C14orf39: variants seen among roughly 807,000 people sequenced by gnomAD.
C14orf39 encodes the protein chromosome 14 open reading frame 39, also known as protein SIX6OS1.
Under a neutral mutation model 85.6 loss-of-function variants are expected in C14orf39, and 66 were observed. The observed-to-expected ratio is 0.77, with a 90% confidence interval of 0.63 to 0.95. C14orf39 has a LOEUF of 0.95. Among genes scored for constraint, C14orf39 ranks in the 40% least tolerant of loss-of-function variants. The pLI, the probability that C14orf39 is intolerant of heterozygous loss-of-function variation, is 0.00. For synonymous variants in C14orf39, 242 were observed against 214.0 expected (o/e 1.13, Z -1.14); for missense variants, 735 against 663.9 (o/e 1.11, Z -1.18).
chr14:60,506,986 G>A (rs1012554083), intron 1 of C14orf39, among the ~76,000 whole-genome samples: 1 of 152,168 alleles, frequency 6.6e-6, no homozygotes, highest in Non-Finnish European at 1.5e-5. Context: ...AAACTGTCCA[G>A]TAAAAGGGCG....
intron 1 of C14orf39, among the ~76,000 whole-genome samples, chr14:60,504,484 G>T (rs1277825863): frequency 6.6e-6 from 1 of 152,184 alleles, no homozygotes; most frequent in African/African-American, 2.4e-5. Context: ...TTCGATCTTA[G>T]ATTTGAAAAT....
rs891252474 is a variant in C14orf39, at chr14:60,491,610, C to T, written c.-8-6524G>A. On this transcript the variant is annotated intron_variant, in intron 2 of 5. Coordinates refer to the C14orf39 transcript ENST00000556799. The surrounding 1 kb of genome is among the most constrained non-coding windows in gnomAD (Gnocchi z 4.5). ...CTATCATCCCCCACATCAAATCCATCATAAATCCTACCAATTTTTCCTCTT... is the reference window on the plus strand; with the variant it reads ...CTATCATCCCCCACATCAAATCCATTATAAATCCTACCAATTTTTCCTCTT... 1.3e-5 allele frequency among the ~76,000 whole-genome samples: 2 copies of T among 152,194 alleles called. No individual in the cohort carries two copies. Among genetic ancestry groups the T allele is most frequent in the African/African-American group, 4.8e-5 (2 of 41,460 alleles).
chr14:60,511,971 T>C, intron 1 of C14orf39: 1 of 153,728 alleles, frequency 6.5e-6, no homozygotes, highest in Non-Finnish European at 1.4e-5. Context: ...CTATGGTAGG[T>C]CTATAACCAC....
chr14:60,496,103 C>G, intron 2 of C14orf39: 1 of 635,488 alleles, frequency 1.6e-6, no homozygotes. Context: ...TCTGACTGAG[C>G]AAAGCCACAG....
chr14:60,443,958 G>C (rs1333502059), intron 16 of C14orf39, among the ~76,000 whole-genome samples: 1 of 152,212 alleles, frequency 6.6e-6, no homozygotes, highest in East Asian at 1.9e-4. Context: ...TGAGGGGCCT[G>C]ACTGTTAGAA....
In C14orf39 at chr14:60,445,658, CAG is replaced by C. The variant is rs200189953; in HGVS notation, c.1504-3529_1504-3528del. 9.0e-3 allele frequency among the ~76,000 whole-genome samples: 1,374 copies of C among 152,218 alleles called. 8 individuals are homozygous for C. The highest frequency in any genetic ancestry group is 0.014 in the Admixed American group (207 of 15,286). On this transcript the variant is annotated intron_variant, in intron 16 of 17. Coordinates refer to ENST00000321731, the MANE Select transcript of C14orf39 (RefSeq NM_174978.3). ...GTCAATATTAGACAGATCAACAAGA[CAG>C]AAAGTTAACAAGGATATCCAGGACT...
At position 60,471,463 on chromosome 14, in the gene C14orf39, A is replaced by C. The variant is rs1279067299; in HGVS notation, c.512-4T>G. 6.3e-7 allele frequency: 1 copy of C among 1,599,942 alleles called. No homozygotes were observed. Among genetic ancestry groups the C allele is most frequent in the Admixed American group, 1.7e-5 (1 of 58,530 alleles). ...AGTGATGGAAAGGGAGCAGGCACTG[A>C]AAAATAAAGTCACAGCATAAGCTGA... On this transcript the variant is annotated splice_polypyrimidine_tract_variant and splice_region_variant and intron_variant, in intron 6 of 17. Coordinates refer to ENST00000321731, the MANE Select transcript of C14orf39 (RefSeq NM_174978.3).
chr14:60,453,496 T>C (rs1312122552), intron 16 of C14orf39, among the ~76,000 whole-genome samples: 2 of 151,736 alleles, frequency 1.3e-5, no homozygotes, highest in Non-Finnish European at 3.0e-5. Flanking sequence ...TTTTTTTTTT[T>C]CCATTCTTAC....
rs575048457 is a variant in C14orf39, at chr14:60,484,202, C to G, written c.107-385G>C. 7.9e-5 allele frequency among the ~76,000 whole-genome samples: 12 copies of G among 152,240 alleles called. No individual in the cohort carries two copies. Among genetic ancestry groups the G allele is most frequent in the African/African-American group, 2.9e-4 (12 of 41,532 alleles). ...TCTGTTTTTGACAAATGTGAAATTT[C>G]TATTCATCAATTCTATGTCAATTAT... On this transcript the variant is annotated intron_variant, in intron 3 of 17. Transcript: ENST00000321731. The surrounding 1 kb of genome is among the most constrained non-coding windows in gnomAD (Gnocchi z 4.2).
rs1267891098 is a variant in C14orf39 at position 60,466,990 on chromosome 14, TTGAC to T, written c.818_821del (p.Ser273AsnfsTer11). Reference sequence around the variant, plus strand: ...TCTGAGATTCATAAGGAAGAAATAATTGACTGCTTTGAGTTTTATTCAATGTAAG... The same window carrying T: ...TCTGAGATTCATAAGGAAGAAATAATTGCTTTGAGTTTTATTCAATGTAAG... On this transcript the variant is annotated frameshift_variant, in exon 10 of 18. Coordinates refer to ENST00000321731, the MANE Select transcript of C14orf39 (RefSeq NM_174978.3). LOFTEE classifies it high-confidence loss of function. 1 of 1,475,458 alleles carries T rather than the reference TTGAC, an allele frequency of 6.8e-7. No individual in the cohort carries two copies. The highest frequency in any genetic ancestry group is 9.0e-7 in the Non-Finnish European group (1 of 1,108,914). The allele number at this position is 1,475,458 out of a possible 1,614,324, so 91.4% of individuals were successfully genotyped here. A position where few individuals can be genotyped will look rare whatever the true frequency, so the allele number is the denominator to read the frequency against.
intron 17 of C14orf39, among the ~76,000 whole-genome samples, chr14:60,438,667 AAAG>A (rs1890368795): frequency 6.6e-6 from 1 of 152,150 alleles, no homozygotes; most frequent in Non-Finnish European, 1.5e-5. Context: ...AAAGTATAAA[AAAG>A]AAGAGATATT....
chr14:60,444,603 G>A (rs534746903), intron 16 of C14orf39, among the ~76,000 whole-genome samples: 5 of 152,300 alleles, frequency 3.3e-5, no homozygotes, highest in African/African-American at 9.6e-5. Flanking sequence ...CGGGGAGAAT[G>A]GAACCAAGTT....
chr14:60,477,151 C>G (rs920798795), intron 5 of C14orf39, among the ~76,000 whole-genome samples: 2 of 152,132 alleles, frequency 1.3e-5, no homozygotes, highest in Non-Finnish European at 2.9e-5. Context: ...AATGACAAGA[C>G]AAGTCTCCTT....
intron 8 of C14orf39, among the ~76,000 whole-genome samples, chr14:60,469,324 TATA>T (rs1182074692): frequency 6.8e-6 from 1 of 147,732 alleles, no homozygotes. Context: ...TACAAATTAA[TATA>T]AAATATATTA....
intron 1 of C14orf39, among the ~76,000 whole-genome samples, chr14:60,500,773 AT>A (rs1893133791): frequency 6.6e-6 from 1 of 152,202 alleles, no homozygotes; most frequent in Non-Finnish European, 1.5e-5. Flanking sequence ...GTTATCTCTA[AT>A]AATAGTACTA....
In C14orf39 at chr14:60,493,541, T is replaced by G. The variant is rs563470652; in HGVS notation, c.-9+5755A>C. Among the ~76,000 whole-genome samples the G allele has an allele frequency of 2.6e-5, 4 of 152,328 alleles. No homozygotes were observed. The South Asian group carries it at 8.3e-4, about 32-fold the overall frequency. ...GGGGTACAAAGTTTCTATGTGTACT[T>G]TGTCAAAAGAGGCAAAGCTACTTTC... On this transcript the variant is annotated intron_variant, in intron 2 of 5. Coordinates refer to the C14orf39 transcript ENST00000556799.
At chr14:60,509,551 G>T (rs749539161) in intron 1 of C14orf39, 1 of 1,611,194 alleles carries the variant, frequency 6.2e-7, no homozygotes, top group Non-Finnish European at 8.5e-7. Context: ...ACAAGAATGA[G>T]TCGGTGCTAC....
At chr14:60,443,218 C>A (rs1051109371) in intron 16 of C14orf39, among the ~76,000 whole-genome samples, 1 of 152,104 alleles carries the variant, frequency 6.6e-6, no homozygotes, top group African/African-American at 2.4e-5. Flanking sequence ...CAGGGCAGGG[C>A]GTCCCCTCAC....
intron 1 of C14orf39, among the ~76,000 whole-genome samples, chr14:60,501,834 A>C (rs1181216960): frequency 6.6e-6 from 1 of 152,188 alleles, no homozygotes; most frequent in Non-Finnish European, 1.5e-5. Flanking sequence ...TCATTAAGAC[A>C]ATATGGCCTA....
Sources: gnomAD v4.1 joint callset for allele counts (sites outside exome capture counted in the v4.1 genomes callset) on GRCh38, gnomAD v4.1.1 for gene constraint, Gnocchi (gnomAD v3.1) non-coding constraint, MANE v1.5 for transcripts, NCBI Gene and HGNC (gene_info 2026-07-23, HGNC 2026-07-21) for gene names.